EFCAB8: variants seen among roughly 807,000 people sequenced by gnomAD.
EFCAB8 encodes EF-hand calcium binding domain 8, also known as EF-hand calcium-binding domain-containing protein 8.
EFCAB8 carries 100 observed loss-of-function variants against 116.3 expected under a neutral mutation model. The ratio of observed to expected loss-of-function variants is 0.86; its 90% confidence interval spans 0.73 to 1.02. The LOEUF (loss-of-function observed/expected upper bound fraction) is 1.02, where lower values mean the gene tolerates loss of function less well. EFCAB8 is among the 50% of genes least tolerant of loss of function. The pLI, the probability that EFCAB8 is intolerant of heterozygous loss-of-function variation, is 0.00. For missense variants in EFCAB8, 1,320 were observed against 1,416.9 expected (o/e 0.93, Z 1.10); for synonymous variants, 558 against 567.9 (o/e 0.98, Z 0.25).
chr20:32,926,186 C>G (rs1434856506), intron 20 of EFCAB8, among the ~76,000 whole-genome samples: 1 of 152,208 alleles, frequency 6.6e-6, no homozygotes, highest in Non-Finnish European at 1.5e-5. Flanking sequence ...CAGCTTTTCC[C>G]CAGTTCAGAC....
At chr20:32,939,163 C>CTT (rs1343723532) in intron 22 of EFCAB8, among the ~76,000 whole-genome samples, 2 of 88,218 alleles carry the variant, frequency 2.3e-5, no homozygotes, top group East Asian at 5.7e-4. Flanking sequence ...TTCTTTCTTT[C>CTT]TTTCTTTCTT....
intron 22 of EFCAB8, among the ~76,000 whole-genome samples, chr20:32,941,421 A>G (rs1251066799): frequency 2.0e-5 from 3 of 150,016 alleles, no homozygotes; most frequent in African/African-American, 7.4e-5. Flanking sequence ...AAAATCTTGT[A>G]CATGAATGTT....
At chr20:32,896,076 A>G (rs1171463224) in intron 9 of EFCAB8, among the ~76,000 whole-genome samples, 1 of 152,214 alleles carries the variant, frequency 6.6e-6, no homozygotes, top group Non-Finnish European at 1.5e-5. Flanking sequence ...CCAAGTGATT[A>G]CTTTTCAGAA....
chr20:32,925,570 C>T (rs779333128), intron 20 of EFCAB8, among the ~76,000 whole-genome samples: 9 of 152,364 alleles, frequency 5.9e-5, no homozygotes, highest in Middle Eastern at 3.4e-3. Context: ...CCAGGCTTGT[C>T]TCGAACTCCT....
intron 9 of EFCAB8, among the ~76,000 whole-genome samples, chr20:32,893,672 C>T (rs1159876891): frequency 2.0e-5 from 3 of 152,074 alleles, no homozygotes; most frequent in Non-Finnish European, 2.9e-5. Context: ...CGGATGGTGG[C>T]GAGGAGGCAT....
At chr20:32,915,457 TCTTCACCAGAGA>T (rs1987142205) in intron 17 of EFCAB8, among the ~76,000 whole-genome samples, 3 of 152,210 alleles carry the variant, frequency 2.0e-5, no homozygotes, top group Non-Finnish European at 4.4e-5. Flanking sequence ...GTTTCTCATT[TCTTCACCAGAGA>T]CTTCACCAGA....
intron 23 of EFCAB8, among the ~76,000 whole-genome samples, chr20:32,952,498 C>A (rs1269673891): frequency 6.6e-6 from 1 of 152,120 alleles, no homozygotes; most frequent in East Asian, 1.9e-4. Flanking sequence ...CTATTTTTAT[C>A]CTTTCTCCTT....
chr20:32,957,811 T>C (rs554972612), intron 23 of EFCAB8, among the ~76,000 whole-genome samples: 1 of 151,874 alleles, frequency 6.6e-6, no homozygotes, highest in Non-Finnish European at 1.5e-5. Context: ...CACTCCCAGC[T>C]CTTCTTGGAA....
chr20:32,933,700 C>T (rs377413793), intron 22 of EFCAB8, among the ~76,000 whole-genome samples: 28 of 152,096 alleles, frequency 1.8e-4, no homozygotes, highest in East Asian at 1.2e-3. Flanking sequence ...TCTTTTTGGC[C>T]GGGCTCAGTG....
At chr20:32,942,244 A>G (rs1488478120) in intron 22 of EFCAB8, among the ~76,000 whole-genome samples, 1 of 152,132 alleles carries the variant, frequency 6.6e-6, no homozygotes, top group Non-Finnish European at 1.5e-5. Flanking sequence ...GTTTCTTTTG[A>G]TTTTAATTAA....
At chr20:32,959,728 C>T in intron 24 of EFCAB8, 50 bp from the exon 25 acceptor site, 1 of 1,379,910 alleles carries the variant, frequency 7.2e-7, no homozygotes, top group Non-Finnish European at 9.7e-7. Flanking sequence ...GGGAGGGTCA[C>T]CCTGCTTTGC....
Position 32,882,944 on chromosome 20 carries a change from C to A in EFCAB8, c.432-2561C>A, listed in dbSNP as rs145836123. The stretch of plus-strand genomic sequence containing the variant: ...TCTCCTGACCTCATGATCTGCCCGC[C>A]TCGGCCTCCCAAAGTGCTGGGATTA... On this transcript the variant is annotated intron_variant, in intron 5 of 26. Transcript: ENST00000400522. Among the ~76,000 whole-genome samples the A allele has an allele frequency of 5.9e-5, 9 of 152,250 alleles. No homozygotes were observed. The East Asian group carries it at 1.5e-3, about 26-fold the overall frequency.
At chr20:32,863,159 G>T (rs1984203612) in intron 1 of EFCAB8, among the ~76,000 whole-genome samples, 1 of 152,140 alleles carries the variant, frequency 6.6e-6, no homozygotes, top group Non-Finnish European at 1.5e-5. Context: ...CCATCCTAGA[G>T]TGCCCTCTGG....
rs1186704121 is a variant in EFCAB8, at chr20:32,867,570, T to C, written c.43-12T>C. ...AACGCTCAGTCCCTGGTTCTTGTTATATTCGTTCCAGCTGTCCATCCCACA... is the reference window on the plus strand; with the variant it reads ...AACGCTCAGTCCCTGGTTCTTGTTACATTCGTTCCAGCTGTCCATCCCACA... On this transcript the variant is annotated splice_polypyrimidine_tract_variant and intron_variant, in intron 2 of 26. Coordinates refer to ENST00000400522, the MANE Select transcript of EFCAB8 (RefSeq NM_001143967.2). 9.0e-6 allele frequency: 14 copies of C among 1,550,744 alleles called. No homozygotes were observed. The highest frequency in any genetic ancestry group is 1.4e-5 in the African/African-American group (1 of 73,140).
chr20:32,909,409 T>C (rs879844500), intron 14 of EFCAB8, among the ~76,000 whole-genome samples: 1 of 152,220 alleles, frequency 6.6e-6, no homozygotes, highest in Non-Finnish European at 1.5e-5. Context: ...GAAAAACAGA[T>C]AATTTCGGTA....
chr20:32,930,141 G>C (rs976092799), intron 20 of EFCAB8, among the ~76,000 whole-genome samples: 2 of 152,168 alleles, frequency 1.3e-5, no homozygotes, highest in African/African-American at 4.8e-5. Context: ...TGTATTATGT[G>C]TCAGGCACCA....
chr20:32,947,401 T>G (rs1031965191), intron 23 of EFCAB8, among the ~76,000 whole-genome samples: 2 of 152,216 alleles, frequency 1.3e-5, no homozygotes, highest in East Asian at 3.8e-4. Flanking sequence ...TAAACAAACA[T>G]TATTTTTAAG....
chr20:32,864,769 G>A (rs1402555442), intron 2 of EFCAB8, among the ~76,000 whole-genome samples: 1 of 152,150 alleles, frequency 6.6e-6, no homozygotes, highest in East Asian at 1.9e-4. Context: ...GCTTGGGGCT[G>A]GGGAGTATAG....
intron 5 of EFCAB8, among the ~76,000 whole-genome samples, chr20:32,881,188 AT>A (rs1985318625): frequency 2.0e-5 from 3 of 152,084 alleles, no homozygotes; most frequent in Admixed American, 2.0e-4. Context: ...AGACAATGTC[AT>A]CTCTCTTTTC....
Sources: gnomAD v4.1 joint callset for allele counts (sites outside exome capture counted in the v4.1 genomes callset) on GRCh38, gnomAD v4.1.1 for gene constraint, MANE v1.5 for transcripts, NCBI Gene and HGNC (gene_info 2026-07-23, HGNC 2026-07-21) for gene names.